ADAMTS18: variants seen among roughly 807,000 people sequenced by gnomAD.
The protein encoded by ADAMTS18 is ADAM metallopeptidase with thrombospondin type 1 motif 18, also known as A disintegrin and metalloproteinase with thrombospondin motifs 18.
In ADAMTS18, 157 loss-of-function variants were observed where a neutral mutation model predicts 165.9. The observed-to-expected ratio is 0.95, with a 90% confidence interval of 0.83 to 1.08. ADAMTS18 has a LOEUF of 1.08. Among genes scored for constraint, ADAMTS18 ranks in the 50% least tolerant of loss-of-function variants. The pLI, the probability that ADAMTS18 is intolerant of heterozygous loss-of-function variation, is 0.00. For missense variants in ADAMTS18, 2,040 were observed against 1,534.0 expected (o/e 1.33, Z -5.51); for synonymous variants, 782 against 578.2 (o/e 1.35, Z -5.06).
At chr16:77,342,779 A>T (rs1271514361) in intron 10 of ADAMTS18, among the ~76,000 whole-genome samples, 1 of 152,252 alleles carries the variant, frequency 6.6e-6, no homozygotes, top group Non-Finnish European at 1.5e-5. Context: ...TTAAAGTTAC[A>T]GATGCAATTG....
intron 16 of ADAMTS18, among the ~76,000 whole-genome samples, chr16:77,312,233 C>CT (rs200863135): frequency 1.5e-3 from 223 of 144,920 alleles, no homozygotes; most frequent in South Asian, 2.0e-3. Flanking sequence ...AAAAACTTTT[C>CT]TTTTTTTTTT....
rs764023185 is a variant in ADAMTS18, at chr16:77,363,790, T to C, written c.1056+12A>G. 8.1e-6 allele frequency: 13 copies of C among 1,612,358 alleles called. No homozygotes were observed. In the South Asian group the frequency reaches 1.4e-4, roughly 18 times the overall value. On this transcript the variant is annotated intron_variant, in intron 6 of 22. Coordinates refer to ENST00000282849, the MANE Select transcript of ADAMTS18 (RefSeq NM_199355.4). ...AGACTGAATGAAGACATAAATGAAGTTTGCCACTTACAGGTTCTTGTTCCA... is the reference window on the plus strand; with the variant it reads ...AGACTGAATGAAGACATAAATGAAGCTTGCCACTTACAGGTTCTTGTTCCA...
At chr16:77,294,892 G>C in intron 19 of ADAMTS18, 31 bp downstream of exon 19, 2 of 1,609,776 alleles carry the variant, frequency 1.2e-6, no homozygotes, top group East Asian at 2.2e-5. Flanking sequence ...TGGGGACCGA[G>C]AATAGTAACT....
rs748088874 is a variant in ADAMTS18, at chr16:77,300,325, G to A, written c.2612C>T (p.Thr871Ile). Residue 871 changes from threonine to isoleucine, a missense_variant, in exon 17 of 23, where the codon ACA becomes ATA. By Grantham distance (89) the Thr-to-Ile change is moderately conservative. Coordinates refer to ENST00000282849, the MANE Select transcript of ADAMTS18 (RefSeq NM_199355.4). The stretch of plus-strand genomic sequence containing the variant: ...ACTCCAGGTATAGGCAGGTCTTTTT[G>A]TGGCTGGTGGAGTTCCATTCATGAC... ...PKVMNGTPPA[T>I]KRPAYTWSIV... is the part of the protein sequence containing the mutation. 1 of 1,613,982 alleles carries A rather than the reference G, an allele frequency of 6.2e-7. No homozygotes were observed. The highest frequency in any genetic ancestry group is 1.7e-5 in the Admixed American group (1 of 60,022).
intron 3 of ADAMTS18, among the ~76,000 whole-genome samples, chr16:77,412,676 G>A (rs1477545598): frequency 1.3e-5 from 2 of 152,110 alleles, no homozygotes; most frequent in African/African-American, 4.8e-5. Flanking sequence ...ATGGCAGCAG[G>A]CAAGAGAGAA....
chr16:77,344,155 GTATA>G (rs150411045), intron 10 of ADAMTS18, among the ~76,000 whole-genome samples: 17,090 of 140,098 alleles, frequency 0.12, 1,163 homozygotes, highest in East Asian at 0.27. Context: ...ATGTGTGTGT[GTATA>G]TATATATATA....
chr16:77,340,057 G>C (rs2056375273), intron 11 of ADAMTS18, among the ~76,000 whole-genome samples: 1 of 152,178 alleles, frequency 6.6e-6, no homozygotes, highest in Non-Finnish European at 1.5e-5. Context: ...TCTCAAGCAA[G>C]ATTCAGCTCT....
At chr16:77,388,628 C>T (rs2057142716) in intron 3 of ADAMTS18, among the ~76,000 whole-genome samples, 1 of 152,120 alleles carries the variant, frequency 6.6e-6, no homozygotes, top group Non-Finnish European at 1.5e-5. Flanking sequence ...GCACTGAAGG[C>T]ATAAATATAT....
At chr16:77,333,838 T>C (rs1252737980) in intron 12 of ADAMTS18, among the ~76,000 whole-genome samples, 1 of 143,518 alleles carries the variant, frequency 7.0e-6, no homozygotes, top group Non-Finnish European at 1.5e-5. Context: ...TATATATTAA[T>C]AGTATAATAT....
intron 14 of ADAMTS18, among the ~76,000 whole-genome samples, 182 bp downstream of exon 14, chr16:77,322,154 C>CAAA (rs36089291): frequency 1.4e-4 from 10 of 73,330 alleles, no homozygotes; most frequent in South Asian, 5.3e-4. Context: ...AATTTCATCT[C>CAAA]AAAAAAAAAA....
At chr16:77,300,505 G>A (rs563578436) in intron 16 of ADAMTS18, 101 bp from the exon 17 acceptor site, 2 of 1,358,076 alleles carry the variant, frequency 1.5e-6, no homozygotes, top group Non-Finnish European at 2.1e-6. Flanking sequence ...ATGACATTTT[G>A]ACCTTAACAT....
At chr16:77,387,137 C>A (rs1194544002) in intron 3 of ADAMTS18, among the ~76,000 whole-genome samples, 1 of 152,194 alleles carries the variant, frequency 6.6e-6, no homozygotes, top group Non-Finnish European at 1.5e-5. Context: ...CTACATGTAA[C>A]TGAGAGATAA....
intron 16 of ADAMTS18, among the ~76,000 whole-genome samples, chr16:77,314,753 C>CAT (rs36191323): frequency 0.054 from 1,990 of 36,836 alleles, 277 homozygotes; most frequent in East Asian, 0.11. Context: ...TCTCAGGTTT[C>CAT]ATATATATAT....
intron 12 of ADAMTS18, among the ~76,000 whole-genome samples, chr16:77,333,957 CTATA>C (rs200964196): frequency 0.012 from 1,640 of 135,788 alleles, 42 homozygotes; most frequent in African/African-American, 0.045. Context: ...GTCATATATA[CTATA>C]TATAATATAG....
intron 3 of ADAMTS18, among the ~76,000 whole-genome samples, chr16:77,422,076 C>T (rs1597255489): frequency 6.6e-6 from 1 of 152,076 alleles, no homozygotes; most frequent in African/African-American, 2.4e-5. Context: ...TGAAGAGTGT[C>T]CAGCCAAAAA....
chr16:77,337,657 A>AT (rs1251766534), intron 11 of ADAMTS18, among the ~76,000 whole-genome samples: 1 of 152,136 alleles, frequency 6.6e-6, no homozygotes, highest in Non-Finnish European at 1.5e-5. Context: ...TTTTTGGAAA[A>AT]TGTGTTTTTT....
intron 12 of ADAMTS18, among the ~76,000 whole-genome samples, chr16:77,334,736 AG>A (rs1461434771): frequency 2.6e-5 from 3 of 116,406 alleles, no homozygotes; most frequent in Non-Finnish European, 5.0e-5. Context: ...TATATACTAT[AG>A]TATATATACT....
intron 4 of ADAMTS18, 122 bp from the exon 5 acceptor site, chr16:77,364,503 A>G: frequency 1.9e-6 from 2 of 1,068,526 alleles, no homozygotes; most frequent in East Asian, 2.6e-5. Context: ...CCAATCCACT[A>G]ACAAGTGATG....
rs763446431 is a variant in ADAMTS18 at position 77,283,517 on chromosome 16, G to A, written c.*439C>T. On this transcript the variant is annotated 3_prime_UTR_variant, in exon 23 of 23. Coordinates refer to ENST00000282849, the MANE Select transcript of ADAMTS18 (RefSeq NM_199355.4). Reference sequence around the variant, plus strand: ...GGGTTAGTCGAACTGTGAACTCCACGCAACAGTTAGGCAAGGTATTCCATC... The same window carrying A: ...GGGTTAGTCGAACTGTGAACTCCACACAACAGTTAGGCAAGGTATTCCATC... 3.5e-4 allele frequency: 67 copies of A among 192,124 alleles called. 1 individual carries two copies. The highest frequency in any genetic ancestry group is 6.0e-4 in the Non-Finnish European group (55 of 92,430). The allele number at this position is 192,124 out of a possible 1,614,324, so 11.9% of individuals were successfully genotyped here. A position where few individuals can be genotyped will look rare whatever the true frequency, so the allele number is the denominator to read the frequency against.
Sources: gnomAD v4.1 joint callset for allele counts (sites outside exome capture counted in the v4.1 genomes callset) on GRCh38, gnomAD v4.1.1 for gene constraint, MANE v1.5 for transcripts, NCBI Gene and HGNC (gene_info 2026-07-23, HGNC 2026-07-21) for gene names.